TSPAN7: variants seen among roughly 807,000 people sequenced by gnomAD.
TSPAN7 encodes tetraspanin 7.
In TSPAN7, 1 loss-of-function variant was observed where a neutral mutation model predicts 17.6. That is an observed-to-expected ratio of 0.06 (90% CI 0.02 to 0.27). The LOEUF (loss-of-function observed/expected upper bound fraction) is 0.27. TSPAN7 is among the 10% of genes least tolerant of loss of function. TSPAN7 has a pLI of 1.00. For synonymous variants in TSPAN7, 78 were observed against 79.0 expected (o/e 0.99, Z 0.07); for missense variants, 112 against 201.7 (o/e 0.56, Z 2.69).
At chrX:38,667,723 G>A (rs963204384) in intron 2 of TSPAN7, among the ~76,000 whole-genome samples, 1 of 112,257 alleles carries the variant, frequency 8.9e-6, no homozygotes, top group Non-Finnish European at 1.9e-5. Flanking sequence ...CTGATTATGG[G>A]CCAGGCTTCT....
At chrX:38,661,007 G>T (rs773233731) in intron 1 of TSPAN7, among the ~76,000 whole-genome samples, 1 of 111,828 alleles carries the variant, frequency 8.9e-6, no homozygotes, top group East Asian at 2.8e-4. Flanking sequence ...TTCATCATAA[G>T]GTCTGTGGTC....
intron 1 of TSPAN7, among the ~76,000 whole-genome samples, chrX:38,590,761 T>C (rs1602090639): frequency 8.9e-6 from 1 of 111,853 alleles, no homozygotes. Context: ...TTTGCTAGTA[T>C]AGATTCTAGG....
intron 1 of TSPAN7, among the ~76,000 whole-genome samples, chrX:38,644,320 C>T (rs1226044256): frequency 1.8e-5 from 2 of 111,749 alleles, no homozygotes; most frequent in African/African-American, 6.5e-5. Context: ...CCTTGTGTGA[C>T]CAGACAGTTT....
At chrX:38,617,960 A>C (rs2069465152) in intron 1 of TSPAN7, among the ~76,000 whole-genome samples, 1 of 111,854 alleles carries the variant, frequency 8.9e-6, no homozygotes, top group African/African-American at 3.3e-5. Flanking sequence ...ATGGAGACTT[A>C]AGCGATACGA....
Position 38,666,287 on chromosome X carries a change from G to A in TSPAN7, c.248G>A (p.Gly83Asp), listed in dbSNP as rs2069781286. The A allele has an allele frequency of 8.3e-7, 1 of 1,209,994 alleles. No individual in the cohort carries two copies. The highest frequency in any genetic ancestry group is 1.1e-6 in the Non-Finnish European group (1 of 895,166). The change falls in exon 2 of 8, where the codon GGT becomes GAT. Residue 83 changes from glycine (G) to aspartate (D), a missense_variant. By Grantham distance (94) the Gly-to-Asp change is moderately conservative. Coordinates refer to ENST00000378482, the MANE Select transcript of TSPAN7 (RefSeq NM_004615.4). ...TTTGGATGCTTTGCTACATGTCGTG[G>A]TAGCCCATGGATGCTGAAACTGGTG... is the stretch of plus-strand genomic sequence containing the variant. ...GLFGCFATCR[G>D]SPWMLKLYAM...
At chrX:38,598,854 A>G (rs190705540) in intron 1 of TSPAN7, among the ~76,000 whole-genome samples, 1 of 112,104 alleles carries the variant, frequency 8.9e-6, no homozygotes, top group African/African-American at 3.2e-5. Flanking sequence ...AAGTACAATA[A>G]ACACAGTAGC....
chrX:38,617,324 A>T (rs1264780959), intron 1 of TSPAN7, among the ~76,000 whole-genome samples: 1 of 112,999 alleles, frequency 8.8e-6, no homozygotes, highest in East Asian at 2.8e-4. Flanking sequence ...AGCCTGGCAG[A>T]AGTTATAAGC....
chrX:38,646,435 T>G (rs769776781), intron 1 of TSPAN7: 3 of 632,296 alleles, frequency 4.7e-6, no homozygotes, highest in Non-Finnish European at 6.8e-6. Flanking sequence ...GTAGAAATAT[T>G]AGGAGCAGTG....
At chrX:38,569,470 G>C (rs752892810) in intron 1 of TSPAN7, among the ~76,000 whole-genome samples, 49 of 98,603 alleles carry the variant, frequency 5.0e-4, no homozygotes, top group Non-Finnish European at 8.7e-4. Flanking sequence ...AATGAGTAGA[G>C]GCCAGAGACA....
At chrX:38,563,786 T>G (rs1215281062) in intron 1 of TSPAN7, among the ~76,000 whole-genome samples, 2 of 111,661 alleles carry the variant, frequency 1.8e-5, no homozygotes, top group Non-Finnish European at 3.8e-5. Context: ...TTTCAATAGT[T>G]TAAATACCAA....
intron 1 of TSPAN7, among the ~76,000 whole-genome samples, chrX:38,610,009 GA>G (rs2069409627): frequency 9.0e-6 from 1 of 111,000 alleles, no homozygotes; most frequent in Non-Finnish European, 1.9e-5. Context: ...CAAAAAATCT[GA>G]GAGATTTTTG....
At chrX:38,658,344 C>A (rs958566694) in intron 1 of TSPAN7, among the ~76,000 whole-genome samples, 2 of 103,736 alleles carry the variant, frequency 1.9e-5, no homozygotes, top group African/African-American at 8.0e-5. Flanking sequence ...ACACACCTGG[C>A]TAATTTTTTT....
At chrX:38,562,933 C>T (rs1476998511) in intron 1 of TSPAN7, 4 of 930,309 alleles carry the variant, frequency 4.3e-6, no homozygotes, top group Non-Finnish European at 5.5e-6. Flanking sequence ...CACCCCCGCC[C>T]CTCACCCACC....
intron 1 of TSPAN7, among the ~76,000 whole-genome samples, chrX:38,626,165 G>T (rs1330307202): frequency 9.1e-6 from 1 of 109,964 alleles, no homozygotes; most frequent in Non-Finnish European, 1.9e-5. Context: ...TGGTCAGAGA[G>T]TGGGATTTTA....
chrX:38,651,505 T>G (rs1420361918), intron 1 of TSPAN7, among the ~76,000 whole-genome samples: 1 of 111,918 alleles, frequency 8.9e-6, no homozygotes, highest in Non-Finnish European at 1.9e-5. Context: ...TGGAAAATCT[T>G]AAGCACATTT....
chrX:38,671,957 A>G (rs1357173256), intron 3 of TSPAN7, among the ~76,000 whole-genome samples: 2 of 111,130 alleles, frequency 1.8e-5, no homozygotes, highest in African/African-American at 6.6e-5. Context: ...CTGAGGAGGG[A>G]GGATCACTTG....
At chrX:38,629,509 G>A (rs990596215) in intron 1 of TSPAN7, among the ~76,000 whole-genome samples, 5 of 112,212 alleles carry the variant, frequency 4.5e-5, no homozygotes, top group African/African-American at 1.6e-4. Flanking sequence ...GCAAAGCTAA[G>A]CAGAAATATT....
intron 1 of TSPAN7, among the ~76,000 whole-genome samples, chrX:38,634,564 A>T (rs1028810204): frequency 1.8e-5 from 2 of 111,817 alleles, no homozygotes; most frequent in Non-Finnish European, 3.8e-5. Context: ...TGTTTTGGCT[A>T]GGCCCCTGAT....
chrX:38,563,010 G>T (rs2147391200), intron 1 of TSPAN7: 1 of 969,196 alleles, frequency 1.0e-6, no homozygotes, highest in Non-Finnish European at 1.3e-6. Flanking sequence ...CCGAGAATCA[G>T]CTAGATGGCA....
Sources: allele counts gnomAD v4.1 joint callset (sites outside exome capture counted in the v4.1 genomes callset), GRCh38; gene constraint gnomAD v4.1.1; transcripts MANE v1.5; gene names NCBI Gene and HGNC (gene_info 2026-07-23, HGNC 2026-07-21).